Variants in ZDHHC13 observed in about 807,000 individuals in gnomAD.
The protein encoded by ZDHHC13 is palmitoyltransferase ZDHHC13.
A neutral mutation model predicts 86.0 loss-of-function variants in ZDHHC13; 85 were observed. That is an observed-to-expected ratio of 0.99 (90% confidence interval 0.83 to 1.18). The LOEUF is 1.18. Among genes scored for constraint, ZDHHC13 ranks in the 50% most tolerant of loss-of-function variants. The probability of loss-of-function intolerance (pLI) is 0.00; values close to 1 mark genes in which losing one functional copy is unlikely to be tolerated. For synonymous variants in ZDHHC13, 263 were observed against 246.4 expected (o/e 1.07, Z -0.63); for missense variants, 711 against 730.2 (o/e 0.97, Z 0.30).
In ZDHHC13 at chr11:19,170,242, T is replaced by G. The variant is rs891824401; in HGVS notation, c.1475-169T>G. ...TTAACATTGAGCCACCATTTTGTCA[T>G]CTTTAGTTTTTGAACTGTCATGTGG... On this transcript the variant is annotated intron_variant, in intron 14 of 16. Transcript: ENST00000446113. 5.0e-6 allele frequency: 7 copies of G among 1,406,368 alleles called. No homozygotes were observed. In the African/African-American group the frequency reaches 1.0e-4, roughly 21 times the overall value. 87.1% of individuals were successfully genotyped at this position (1,406,368 alleles called of 1,614,324 possible).
intron 1 of ZDHHC13, among the ~76,000 whole-genome samples, chr11:19,128,898 A>G (rs906528852): frequency 2.6e-5 from 4 of 152,232 alleles, no homozygotes; most frequent in African/African-American, 9.6e-5. Context: ...TATGATGTTG[A>G]TCAGAGCAGT....
chr11:19,122,597 T>C (rs4757757), intron 1 of ZDHHC13, among the ~76,000 whole-genome samples: 96,221 of 151,918 alleles, frequency 0.63, 31,763 homozygotes, highest in Admixed American at 0.75. Flanking sequence ...TTCTCTGCCC[T>C]TAGGTTACCT....
rs1170121530 is a variant in ZDHHC13, at chr11:19,176,173, A to T, written c.*213A>T. ...TTCTGATAAATCTTGGCAGACATCT[A>T]AAAAAAAAACCATATTTTTCACAAG... On this transcript the variant is annotated 3_prime_UTR_variant, in exon 17 of 17. Transcript: ENST00000446113. The T allele has an allele frequency of 1.6e-5, 5 of 308,390 alleles. No individual in the cohort carries two copies. Among genetic ancestry groups the T allele is most frequent in the Admixed American group, 5.2e-5 (1 of 19,124 alleles). The allele number at this position is 308,390 out of a possible 1,614,324, so 19.1% of individuals were successfully genotyped here.
chr11:19,136,677 G>A (rs1264771803), intron 1 of ZDHHC13, among the ~76,000 whole-genome samples: 14 of 151,884 alleles, frequency 9.2e-5, no homozygotes, highest in Non-Finnish European at 1.8e-4. Context: ...GAGAAAGGTC[G>A]GGTTACCCAC....
intron 14 of ZDHHC13, 200 bp from the exon 15 acceptor site, chr11:19,170,211 C>T (rs1295997799): frequency 1.6e-5 from 23 of 1,397,070 alleles, no homozygotes; most frequent in Non-Finnish European, 2.1e-5. Context: ...GTTATCATAG[C>T]CTCAATTAAC....
intron 1 of ZDHHC13, among the ~76,000 whole-genome samples, chr11:19,139,417 A>G (rs1849242931): frequency 6.7e-6 from 1 of 148,310 alleles, no homozygotes; most frequent in South Asian, 2.2e-4. Flanking sequence ...ATAAAAGAGG[A>G]TACAAACAAA....
At chr11:19,132,912 C>T (rs542712013) in intron 1 of ZDHHC13, among the ~76,000 whole-genome samples, 1 of 152,100 alleles carries the variant, frequency 6.6e-6, no homozygotes, top group African/African-American at 2.4e-5. Context: ...CCTACTTATC[C>T]CATCATGCAC....
intron 1 of ZDHHC13, among the ~76,000 whole-genome samples, 157 bp from the exon 2 acceptor site, chr11:19,142,821 G>A (rs1055316743): frequency 4.6e-5 from 7 of 150,974 alleles, no homozygotes; most frequent in Admixed American, 3.3e-4. Flanking sequence ...TACAACCTCC[G>A]CCTCCTGGGT....
intron 1 of ZDHHC13, chr11:19,118,633 AG>A (rs1317018873): frequency 6.6e-6 from 1 of 152,224 alleles, no homozygotes; most frequent in Admixed American, 6.5e-5. Flanking sequence ...GCCTATAGAG[AG>A]GGAGAGAATG....
intron 2 of ZDHHC13, 68 bp downstream of exon 2, chr11:19,143,191 C>A: frequency 6.8e-7 from 1 of 1,476,220 alleles, no homozygotes; most frequent in Non-Finnish European, 9.1e-7. Context: ...ATGTGTAGTT[C>A]ATGGAGCTTC....
intron 10 of ZDHHC13, among the ~76,000 whole-genome samples, chr11:19,159,521 C>CCAT (rs1565037788): frequency 6.7e-6 from 1 of 150,156 alleles, no homozygotes; most frequent in African/African-American, 2.5e-5. Flanking sequence ...TTTACTTTGC[C>CCAT]ACTCAACATA....
intron 4 of ZDHHC13, 29 bp downstream of exon 4, chr11:19,147,702 A>G: frequency 6.6e-7 from 1 of 1,517,520 alleles, no homozygotes. Flanking sequence ...CTGAAATTAA[A>G]TAGCCACATA....
chr11:19,172,991 G>A (rs948908067), intron 16 of ZDHHC13, among the ~76,000 whole-genome samples, 171 bp downstream of exon 16: 4 of 152,182 alleles, frequency 2.6e-5, no homozygotes, highest in African/African-American at 7.2e-5. Flanking sequence ...TGGTAAAGTC[G>A]TGAGCCCCAC....
chr11:19,152,052 T>C, intron 6 of ZDHHC13, 106 bp from the exon 7 acceptor site: 1 of 1,232,186 alleles, frequency 8.1e-7, no homozygotes, highest in Non-Finnish European at 1.1e-6. Context: ...AATACTTAAC[T>C]GAATGGTTAA....
chr11:19,156,142 A>G (rs1758057865), intron 9 of ZDHHC13, among the ~76,000 whole-genome samples: 2 of 152,184 alleles, frequency 1.3e-5, no homozygotes, highest in African/African-American at 4.8e-5. Context: ...GGTTGACTTG[A>G]CAACTGGTGG....
At chr11:19,151,885 A>G (rs1233267889) in intron 6 of ZDHHC13, among the ~76,000 whole-genome samples, 1 of 152,138 alleles carries the variant, frequency 6.6e-6, no homozygotes, top group South Asian at 2.1e-4. Context: ...TAGAACAACA[A>G]TATGAAAGGA....
chr11:19,161,946 T>A (rs1849922531), intron 10 of ZDHHC13, among the ~76,000 whole-genome samples: 1 of 152,150 alleles, frequency 6.6e-6, no homozygotes, highest in Non-Finnish European at 1.5e-5. Context: ...GCAGCTTCTC[T>A]GTCCTCTACA....
chr11:19,131,457 T>TA (rs373721167), intron 1 of ZDHHC13, among the ~76,000 whole-genome samples: 1 of 152,026 alleles, frequency 6.6e-6, no homozygotes, highest in African/African-American at 2.4e-5. Flanking sequence ...CTTCAAATAT[T>TA]AAAAAAAACT....
intron 1 of ZDHHC13, among the ~76,000 whole-genome samples, chr11:19,127,548 T>A (rs1160717914): frequency 6.6e-6 from 1 of 152,198 alleles, no homozygotes; most frequent in African/African-American, 2.4e-5. Context: ...GGATGGTATG[T>A]CCTAGGTTTT....
Sources: gnomAD v4.1 joint callset for allele counts (sites outside exome capture counted in the v4.1 genomes callset) on GRCh38, gnomAD v4.1.1 for gene constraint, MANE v1.5 for transcripts, NCBI Gene and HGNC (gene_info 2026-07-23, HGNC 2026-07-21) for gene names.